The following TMEM177 variants were observed in gnomAD, a reference collection of about 807,000 sequenced individuals.
The protein encoded by TMEM177 is transmembrane protein 177.
Under a neutral mutation model 14.2 loss-of-function variants are expected in TMEM177, and 4 were observed. The observed-to-expected ratio is 0.28, with a 90% CI of 0.14 to 0.64. The LOEUF (loss-of-function observed/expected upper bound fraction) is 0.64, where lower values mean the gene tolerates loss of function less well. TMEM177 is among the 30% of genes least tolerant of loss of function. The pLI is 0.82. For synonymous variants in TMEM177, 179 were observed against 174.5 expected (o/e 1.03, Z -0.20); for missense variants, 344 against 405.2 (o/e 0.85, Z 1.30).
At chr2:119,708,815 C>G in the TMEM177 span, among the ~76,000 whole-genome samples, 1 of 151,602 alleles carries the variant, frequency 6.6e-6, no homozygotes, top group Non-Finnish European at 1.5e-5. Flanking sequence ...CTCTGGACCC[C>G]TAGAGACTCC....
At chr2:119,711,912 A>G in the TMEM177 span, among the ~76,000 whole-genome samples, 1 of 152,090 alleles carries the variant, frequency 6.6e-6, no homozygotes, top group East Asian at 1.9e-4. Flanking sequence ...CCTGGCACCC[A>G]CTGGCAGCTG....
At chr2:119,705,072 C>T in the TMEM177 span, among the ~76,000 whole-genome samples, 2 of 152,204 alleles carry the variant, frequency 1.3e-5, no homozygotes, top group Non-Finnish European at 2.9e-5. Flanking sequence ...TTTTAAGCAG[C>T]TGACAAATGG....
the TMEM177 span, among the ~76,000 whole-genome samples, chr2:119,714,960 G>A: frequency 6.6e-6 from 1 of 152,344 alleles, no homozygotes; most frequent in Non-Finnish European, 1.5e-5. Context: ...GACAGGAAGT[G>A]TATGCCACCT....
At chr2:119,689,064 C>T (rs1477905134), downstream of TMEM177, among the ~76,000 whole-genome samples, 1 of 152,202 alleles carries the variant, frequency 6.6e-6, no homozygotes, top group Non-Finnish European at 1.5e-5. Flanking sequence ...CCTCCCCACT[C>T]CTCCACAGAT....
At chr2:119,722,207 C>T in the TMEM177 span, among the ~76,000 whole-genome samples, 2 of 152,074 alleles carry the variant, frequency 1.3e-5, no homozygotes, top group Admixed American at 1.3e-4. Flanking sequence ...TAGCAAGACC[C>T]CATTTCTACA....
At chr2:119,701,984 G>A in the TMEM177 span, among the ~76,000 whole-genome samples, 1 of 152,228 alleles carries the variant, frequency 6.6e-6, no homozygotes, top group Admixed American at 6.5e-5. Context: ...CTCAAGCACG[G>A]ATCTTAGGTT....
chr2:119,701,804 G>C, the TMEM177 span, among the ~76,000 whole-genome samples: 4 of 152,200 alleles, frequency 2.6e-5, no homozygotes, highest in Admixed American at 6.5e-5. Flanking sequence ...AGATAGGAAG[G>C]CTTGGGAAGT....
chr2:119,697,328 AG>A, the TMEM177 span, among the ~76,000 whole-genome samples: 5 of 152,222 alleles, frequency 3.3e-5, no homozygotes, highest in African/African-American at 1.2e-4. Context: ...TGGGAGGCCA[AG>A]GCTTGTGGGT....
the TMEM177 span, among the ~76,000 whole-genome samples, chr2:119,716,174 CT>C: frequency 2.0e-5 from 3 of 152,194 alleles, no homozygotes; most frequent in African/African-American, 7.2e-5. Flanking sequence ...ACTGTGGAGC[CT>C]CCTTAGCCAG....
the TMEM177 span, among the ~76,000 whole-genome samples, chr2:119,709,977 CG>C: frequency 6.6e-6 from 1 of 151,952 alleles, no homozygotes; most frequent in Non-Finnish European, 1.5e-5. Context: ...TGGTGGCCGC[CG>C]GGGACTGGGG....
At chr2:119,696,850 C>T in the TMEM177 span, among the ~76,000 whole-genome samples, 468 of 150,964 alleles carry the variant, frequency 3.1e-3, 1 homozygote, top group African/African-American at 0.011. Context: ...GTGGAAATGA[C>T]GTTGGGGAGG....
the TMEM177 span, among the ~76,000 whole-genome samples, chr2:119,706,715 G>T: frequency 6.6e-6 from 1 of 152,050 alleles, no homozygotes; most frequent in Non-Finnish European, 1.5e-5. Context: ...GAGGTCCAGG[G>T]TTAGGCACTC....
downstream of TMEM177, among the ~76,000 whole-genome samples, chr2:119,687,752 G>A (rs1689039006): frequency 6.6e-6 from 1 of 152,202 alleles, no homozygotes; most frequent in South Asian, 2.1e-4. Flanking sequence ...CTGGAGCAGA[G>A]AAGCAGCTAA....
the TMEM177 span, among the ~76,000 whole-genome samples, chr2:119,692,306 G>A: frequency 6.6e-6 from 1 of 152,234 alleles, no homozygotes; most frequent in Non-Finnish European, 1.5e-5. Context: ...ATTTTTCAGA[G>A]GTTGCATTAA....
chr2:119,722,608 A>C, the TMEM177 span, among the ~76,000 whole-genome samples: 1 of 152,242 alleles, frequency 6.6e-6, no homozygotes, highest in Non-Finnish European at 1.5e-5. Context: ...GGTTAAATGA[A>C]AATGCATGGT....
downstream of TMEM177, among the ~76,000 whole-genome samples, chr2:119,684,123 C>A (rs1688969058): frequency 6.6e-6 from 1 of 152,226 alleles, no homozygotes; most frequent in South Asian, 2.1e-4. Flanking sequence ...AAAACCGCAT[C>A]TCCTGCCCAT....
chr2:119,684,275 GTTAT>G (rs1415171389), downstream of TMEM177, among the ~76,000 whole-genome samples: 1 of 152,156 alleles, frequency 6.6e-6, no homozygotes, highest in East Asian at 1.9e-4. Flanking sequence ...CCGGTGCTCA[GTTAT>G]TTAGTGTTCC....
chr2:119,717,702 G>A, the TMEM177 span, among the ~76,000 whole-genome samples: 3 of 144,892 alleles, frequency 2.1e-5, no homozygotes, highest in East Asian at 2.1e-4. Flanking sequence ...TCCACCTCCC[G>A]GGTTCAAGCA....
At chr2:119,712,315 C>T in the TMEM177 span, among the ~76,000 whole-genome samples, 1 of 152,072 alleles carries the variant, frequency 6.6e-6, no homozygotes, top group Non-Finnish European at 1.5e-5. Context: ...GACACTGAGG[C>T]TTGGTGATTG....
Sources: gnomAD v4.1 joint callset for allele counts (sites outside exome capture counted in the v4.1 genomes callset) on GRCh38, gnomAD v4.1.1 for gene constraint, MANE v1.5 for transcripts, NCBI Gene and HGNC (gene_info 2026-07-23, HGNC 2026-07-21) for gene names.